CACNA1C: variants seen among roughly 807,000 people sequenced by gnomAD.
CACNA1C encodes the protein voltage-dependent L-type calcium channel subunit alpha-1C.
CACNA1C carries 30 observed loss-of-function variants against 229.0 expected under a neutral mutation model. The ratio of observed to expected loss-of-function variants is 0.13; its 90% CI spans 0.10 to 0.18. CACNA1C has a LOEUF of 0.18. Among genes scored for constraint, CACNA1C ranks in the 10% least tolerant of loss-of-function variants. The probability of loss-of-function intolerance (pLI) is 1.00; values close to 1 mark genes in which losing one functional copy is unlikely to be tolerated. For synonymous variants in CACNA1C, 1,114 were observed against 1,132.5 expected (o/e 0.98, Z 0.33); for missense variants, 1,658 against 2,845.0 (o/e 0.58, Z 9.49).
At chr12:2,450,561 A>G (rs2099359164) in intron 4 of CACNA1C, among the ~76,000 whole-genome samples, 1 of 144,682 alleles carries the variant, frequency 6.9e-6, no homozygotes, top group Non-Finnish European at 1.5e-5. Context: ...CTCAAAAAAA[A>G]AAAAAAAAAA....
At chr12:2,489,428 G>A (rs986544510) in intron 6 of CACNA1C, among the ~76,000 whole-genome samples, 16 of 152,178 alleles carry the variant, frequency 1.1e-4, no homozygotes, top group African/African-American at 2.9e-4. Context: ...CAGAAGAGGC[G>A]GCGTTTCCCT....
intron 1 of CACNA1C, among the ~76,000 whole-genome samples, chr12:1,974,128 A>G (rs952584749): frequency 6.6e-6 from 1 of 152,192 alleles, no homozygotes; most frequent in Non-Finnish European, 1.5e-5. Context: ...ACATTCAACA[A>G]ATACTTGCTG....
chr12:2,599,418 C>T (rs1488648966), intron 21 of CACNA1C, among the ~76,000 whole-genome samples: 1 of 152,170 alleles, frequency 6.6e-6, no homozygotes, highest in East Asian at 1.9e-4. Context: ...AAAGGAAAGG[C>T]TTGTAGGCTC....
intron 1 of CACNA1C, among the ~76,000 whole-genome samples, chr12:2,017,892 C>G (rs769681577): frequency 6.6e-6 from 1 of 152,216 alleles, no homozygotes; most frequent in Non-Finnish European, 1.5e-5. Context: ...AAGGCAGTAG[C>G]ACCACAAATT....
At chr12:2,168,400 G>A (rs573692160) in intron 3 of CACNA1C, among the ~76,000 whole-genome samples, 1 of 152,176 alleles carries the variant, frequency 6.6e-6, no homozygotes, top group Non-Finnish European at 1.5e-5. Context: ...CTAGTATTCC[G>A]ATCTTCCCAT....
chr12:2,417,933 C>T (rs759955199), intron 3 of CACNA1C, among the ~76,000 whole-genome samples: 7 of 151,876 alleles, frequency 4.6e-5, no homozygotes, highest in Non-Finnish European at 1.0e-4. Context: ...AATACCTGTG[C>T]GGGGCCTCCC....
Position 2,293,255 on chromosome 12 carries a change from T to C in CACNA1C, c.478-155721T>C, listed in dbSNP as rs530168906. On this transcript the variant is annotated intron_variant, in intron 3 of 46. Coordinates refer to ENST00000399655, the MANE Select transcript of CACNA1C (RefSeq NM_000719.7). ...AACCTGTAGCATAAGTGTGCTAGAA[T>C]AGACACAAGCAAGTTTTTCCTGATA... 2.0e-5 allele frequency among the ~76,000 whole-genome samples: 3 copies of C among 152,360 alleles called. No homozygotes were observed. The South Asian group carries it at 6.2e-4, about 32-fold the overall frequency.
chr12:2,324,186 G>C (rs575958431), intron 3 of CACNA1C, among the ~76,000 whole-genome samples: 23 of 152,254 alleles, frequency 1.5e-4, no homozygotes, highest in African/African-American at 4.6e-4. Context: ...AGCCACTCTA[G>C]CCTCAGTTTC....
At chr12:2,251,026 C>T (rs2075395133) in intron 3 of CACNA1C, among the ~76,000 whole-genome samples, 1 of 152,292 alleles carries the variant, frequency 6.6e-6, no homozygotes, top group East Asian at 1.9e-4. Flanking sequence ...GTGTGTTCTG[C>T]GTTGGCTCAG....
chr12:2,389,224 A>G (rs541308983), intron 3 of CACNA1C, among the ~76,000 whole-genome samples: 1 of 152,148 alleles, frequency 6.6e-6, no homozygotes, highest in East Asian at 1.9e-4. Context: ...GTCAAATGAG[A>G]TAAGGACAGA....
chr12:2,306,112 C>T (rs2094994359), intron 3 of CACNA1C, among the ~76,000 whole-genome samples: 1 of 152,210 alleles, frequency 6.6e-6, no homozygotes, highest in African/African-American at 2.4e-5. Flanking sequence ...GAGTTCCTAA[C>T]CTCAGATGCC....
rs576934223 is a variant in CACNA1C, at chr12:2,630,912, G to A, written c.3829-3385G>A. On this transcript the variant is annotated intron_variant, in intron 29 of 46. Transcript: ENST00000399655. The surrounding 1 kb of genome is among the most constrained non-coding windows in gnomAD (Gnocchi z 5.4). ...CAGTGCCAATCCAGTGAGAGCCAGC[G>A]TGGAGCCATGGGAGGAGGGGGCTCC... Among the ~76,000 whole-genome samples, 19 of 152,238 alleles carry A rather than the reference G, an allele frequency of 1.2e-4. No individual in the cohort carries two copies. The highest frequency in any genetic ancestry group is 3.6e-4 in the African/African-American group (15 of 41,550).
intron 3 of CACNA1C, among the ~76,000 whole-genome samples, chr12:2,386,652 G>A (rs1213355985): frequency 6.6e-6 from 1 of 152,148 alleles, no homozygotes; most frequent in Non-Finnish European, 1.5e-5. Flanking sequence ...CTGCCTCTGT[G>A]ACCTGTATGT....
intron 30 of CACNA1C, among the ~76,000 whole-genome samples, chr12:2,643,792 C>G (rs1475253900): frequency 6.6e-6 from 1 of 152,138 alleles, no homozygotes; most frequent in Non-Finnish European, 1.5e-5. Context: ...GCCCCTGACC[C>G]CTGCCATTCC....
At chr12:2,027,187 C>T (rs922471373) in intron 1 of CACNA1C, among the ~76,000 whole-genome samples, 3 of 152,174 alleles carry the variant, frequency 2.0e-5, no homozygotes, top group African/African-American at 7.2e-5. Context: ...AAGTGCTTTG[C>T]CCTTTGGGTG....
At chr12:2,126,676 G>A (rs1490901587) in intron 3 of CACNA1C, among the ~76,000 whole-genome samples, 5 of 152,206 alleles carry the variant, frequency 3.3e-5, no homozygotes, top group Non-Finnish European at 7.3e-5. Flanking sequence ...AGGAGAAGCC[G>A]TCCGTCAGAG....
chr12:2,144,577 C>T (rs920491644), intron 3 of CACNA1C, among the ~76,000 whole-genome samples: 1 of 151,154 alleles, frequency 6.6e-6, no homozygotes, highest in Non-Finnish European at 1.5e-5. Flanking sequence ...ATTATTTATT[C>T]ATTTATAACT....
chr12:2,679,427 C>A lies in CACNA1C; in HGVS notation c.5092-17C>A. The A allele has an allele frequency of 6.6e-7, 1 of 1,509,758 alleles. No homozygotes were observed. The allele number at this position is 1,509,758 out of a possible 1,614,324, so 93.5% of individuals were successfully genotyped here. A position where few individuals can be genotyped will look rare whatever the true frequency, so the allele number is the denominator to read the frequency against. ...TGCTAAGGGGCTTCTCCACCCACCC[C>A]TCCTTCTTGCCTACAGAGGGCCGGT... is the stretch of plus-strand genomic sequence containing the variant. On this transcript the variant is annotated splice_polypyrimidine_tract_variant and intron_variant, in intron 41 of 46. Coordinates refer to ENST00000399655, the MANE Select transcript of CACNA1C (RefSeq NM_000719.7). This position sits in a 1 kb window ranked among gnomAD's most constrained non-coding sequence, Gnocchi z 5.5.
chr12:2,476,901 A>G (rs1567915722), intron 5 of CACNA1C, among the ~76,000 whole-genome samples: 2 of 152,252 alleles, frequency 1.3e-5, no homozygotes. Flanking sequence ...AGGCTGTAGG[A>G]AAGCTATCCA....
Sources: allele counts gnomAD v4.1 joint callset (sites outside exome capture counted in the v4.1 genomes callset), GRCh38; gene constraint gnomAD v4.1.1; non-coding constraint Gnocchi (gnomAD v3.1); transcripts MANE v1.5; gene names NCBI Gene and HGNC (gene_info 2026-07-23, HGNC 2026-07-21).